GMEB1: variants seen among roughly 807,000 people sequenced by gnomAD.
GMEB1 encodes glucocorticoid modulatory element binding protein 1, also known as glucocorticoid modulatory element-binding protein 1.
Under a neutral mutation model 52.4 loss-of-function variants are expected in GMEB1, and 6 were observed. The ratio of observed to expected loss-of-function variants is 0.11; its 90% CI spans 0.06 to 0.23. The LOEUF (loss-of-function observed/expected upper bound fraction) is 0.23, where lower values mean the gene tolerates loss of function less well. Among genes scored for constraint, GMEB1 ranks in the 10% least tolerant of loss-of-function variants. The probability of loss-of-function intolerance (pLI) is 1.00; values close to 1 mark genes in which losing one functional copy is unlikely to be tolerated. For synonymous variants in GMEB1, 255 were observed against 244.9 expected, an observed-to-expected ratio of 1.04 and a Z score of -0.38; for missense variants, 486 against 685.6, an observed-to-expected ratio of 0.71 and a Z score of 3.25.
At chr1:28,690,026 T>C (rs1669876551) in intron 2 of GMEB1, 78 bp from the exon 3 acceptor site, 1 of 898,262 alleles carries the variant, frequency 1.1e-6, no homozygotes, top group Non-Finnish European at 1.7e-6. Flanking sequence ...TTGAAACAAA[T>C]TTCTTAACCC....
At chr1:28,688,564 C>A (rs61786043) in intron 2 of GMEB1, among the ~76,000 whole-genome samples, 18,998 of 152,130 alleles carry the variant, frequency 0.12, 1,484 homozygotes, top group Non-Finnish European at 0.18. Flanking sequence ...CATTATATAA[C>A]CTTCTCTAAG....
At position 28,714,891 on chromosome 1, in the gene GMEB1, ATCTTATTGTTGTAACTG is replaced by A; in HGVS notation, c.*119_*135del. 12 of 745,028 alleles carry A rather than the reference ATCTTATTGTTGTAACTG, an allele frequency of 1.6e-5. No individual in the cohort carries two copies. The highest frequency in any genetic ancestry group is 2.3e-5 in the Non-Finnish European group (11 of 470,074). 46.2% of individuals were successfully genotyped at this position (745,028 alleles called of 1,614,324 possible). A position where few individuals can be genotyped will look rare whatever the true frequency, so the allele number is the denominator to read the frequency against. On this transcript the variant is annotated 3_prime_UTR_variant, in exon 10 of 10. Transcript: ENST00000373816. ...CCTTTTTTAAAAAAAAAAAAACAAA[ATCTTATTGTTGTAACTG>A]AAAATGTTGGGTTCTTCCCACTCCC...
intron 1 of GMEB1, 58 bp downstream of exon 1, chr1:28,668,897 G>A (rs1377081064): frequency 6.3e-5 from 9 of 143,934 alleles, no homozygotes; most frequent in Admixed American, 4.8e-4. Flanking sequence ...CGGGGGGGCG[G>A]GCGCGGGGGC....
chr1:28,712,504 A>AT (rs2124594152), intron 9 of GMEB1, among the ~76,000 whole-genome samples: 1 of 152,308 alleles, frequency 6.6e-6, no homozygotes, highest in African/African-American at 2.4e-5. Context: ...GGATTCCAAG[A>AT]TACCAGTCAT....
At position 28,704,558 on chromosome 1, in the gene GMEB1, G is replaced by A. The variant is rs562557675; in HGVS notation, c.868+229G>A. Among the ~76,000 whole-genome samples the A allele has an allele frequency of 4.6e-5, 7 of 152,116 alleles. No homozygotes were observed. The East Asian group carries it at 9.7e-4, about 21-fold the overall frequency. The stretch of plus-strand genomic sequence containing the variant: ...CAGGTAATTTTTGTCTTTATAAATG[G>A]TGCCAGTAGTCTGGGCAACATAGTG... On this transcript the variant is annotated intron_variant, in intron 8 of 9. Coordinates refer to ENST00000373816, the MANE Select transcript of GMEB1 (RefSeq NM_001319674.2).
chr1:28,695,938 CAAAAAAAAA>C (rs58978972), intron 5 of GMEB1, among the ~76,000 whole-genome samples: 1 of 41,050 alleles, frequency 2.4e-5, no homozygotes, highest in African/African-American at 1.1e-4. Flanking sequence ...GACTCCGTCT[CAAAAAAAAA>C]AAAAAAAAAA....
chr1:28,677,343 G>T (rs1047676091), intron 1 of GMEB1, among the ~76,000 whole-genome samples: 1 of 151,642 alleles, frequency 6.6e-6, no homozygotes, highest in African/African-American at 2.4e-5. Flanking sequence ...GACTACAGGC[G>T]CCCATCACCA....
At chr1:28,713,261 T>C (rs1671146413) in intron 9 of GMEB1, among the ~76,000 whole-genome samples, 1 of 152,174 alleles carries the variant, frequency 6.6e-6, no homozygotes, top group Admixed American at 6.5e-5. Context: ...TTTCTTATTA[T>C]ATCACAATAT....
At chr1:28,670,203 T>C (rs986229460) in intron 1 of GMEB1, among the ~76,000 whole-genome samples, 1 of 150,744 alleles carries the variant, frequency 6.6e-6, no homozygotes, top group Non-Finnish European at 1.5e-5. Context: ...TCTCACTCTA[T>C]CGCCCAGGCT....
chr1:28,710,051 G>A (rs903572549), intron 8 of GMEB1, among the ~76,000 whole-genome samples: 5 of 152,138 alleles, frequency 3.3e-5, no homozygotes, highest in Admixed American at 6.6e-5. Context: ...GGAGGCTGAG[G>A]CAGGAGAATG....
chr1:28,701,432 G>T (rs1297940310), intron 6 of GMEB1, among the ~76,000 whole-genome samples: 3 of 151,860 alleles, frequency 2.0e-5, no homozygotes, highest in Non-Finnish European at 4.4e-5. Flanking sequence ...AGCACACCCG[G>T]CTAATTTTTT....
At chr1:28,685,203 A>C (rs1189728112) in intron 2 of GMEB1, among the ~76,000 whole-genome samples, 1 of 151,962 alleles carries the variant, frequency 6.6e-6, no homozygotes, top group Non-Finnish European at 1.5e-5. Flanking sequence ...AGATTTAAAA[A>C]GGGGTTCTTT....
chr1:28,689,705 T>C (rs1669865192), intron 2 of GMEB1: 1 of 156,662 alleles, frequency 6.4e-6, no homozygotes, highest in Non-Finnish European at 1.4e-5. Context: ...AAGGTGAAGG[T>C]AACTGTTTGT....
At chr1:28,679,258 A>G (rs1389154049) in intron 1 of GMEB1, among the ~76,000 whole-genome samples, 1 of 151,434 alleles carries the variant, frequency 6.6e-6, no homozygotes, top group African/African-American at 2.4e-5. Flanking sequence ...GCTCACTGCA[A>G]CCTCCACCTC....
intron 2 of GMEB1, among the ~76,000 whole-genome samples, chr1:28,688,515 T>C (rs1669798918): frequency 6.6e-6 from 1 of 152,160 alleles, no homozygotes; most frequent in Admixed American, 6.6e-5. Context: ...AGTTACATTA[T>C]CTGAGCCCAT....
At chr1:28,705,429 G>A (rs898870451) in intron 8 of GMEB1, among the ~76,000 whole-genome samples, 30 of 149,118 alleles carry the variant, frequency 2.0e-4, no homozygotes, top group African/African-American at 6.6e-4. Flanking sequence ...CCTCTCTCGC[G>A]CGATATATGT....
At chr1:28,677,773 G>T (rs1316022039) in intron 1 of GMEB1, among the ~76,000 whole-genome samples, 1 of 152,034 alleles carries the variant, frequency 6.6e-6, no homozygotes, top group Admixed American at 6.6e-5. Flanking sequence ...AGACTCGAGG[G>T]TCTTAATTGT....
intron 2 of GMEB1, among the ~76,000 whole-genome samples, chr1:28,687,332 TCTCACACACACA>T (rs1557503976): frequency 1.0e-5 from 1 of 95,772 alleles, no homozygotes; most frequent in Non-Finnish European, 1.9e-5. Flanking sequence ...TGAGACCCTA[TCTCACACACACA>T]CACACACACA....
In GMEB1 at chr1:28,696,987, C is replaced by T. The variant is rs1286359348; in HGVS notation, c.501C>T (p.Thr167=). The T allele has an allele frequency of 6.2e-7, 1 of 1,610,594 alleles. No individual in the cohort carries two copies. Among genetic ancestry groups the T allele is most frequent in the East Asian group, 2.2e-5 (1 of 44,738 alleles). ...FYQHDKVCSN[T]CRSTKFDLLI... ...AACATGACAAAGTTTGCTCCAATAC[C>T]TGCAGAAGCACCAAATTTGATCTTC... Residue 167 remains threonine (T), a synonymous_variant, in exon 6 of 10, where the codon ACC becomes ACT. Transcript: ENST00000373816.
Sources: gnomAD v4.1 joint callset for allele counts (sites outside exome capture counted in the v4.1 genomes callset) on GRCh38, gnomAD v4.1.1 for gene constraint, MANE v1.5 for transcripts, NCBI Gene and HGNC (gene_info 2026-07-23, HGNC 2026-07-21) for gene names.